The following HERC4 variants were observed in gnomAD, a reference collection of about 807,000 sequenced individuals.
HERC4 encodes probable E3 ubiquitin-protein ligase HERC4.
HERC4 carries 28 observed loss-of-function variants against 124.3 expected under a neutral mutation model. The ratio of observed to expected loss-of-function variants is 0.23; its 90% CI spans 0.17 to 0.31. The LOEUF (loss-of-function observed/expected upper bound fraction) is 0.31, where lower values mean the gene tolerates loss of function less well. HERC4 is among the 10% of genes least tolerant of loss of function. The probability of loss-of-function intolerance (pLI) is 1.00; values close to 1 mark genes in which losing one functional copy is unlikely to be tolerated. For missense variants in HERC4, 713 were observed against 1,229.3 expected (o/e 0.58, Z 6.28); for synonymous variants, 407 against 421.5 (o/e 0.97, Z 0.42).
intron 3 of HERC4, among the ~76,000 whole-genome samples, chr10:68,057,021 T>C (rs935817192): frequency 1.1e-4 from 16 of 152,320 alleles, no homozygotes; most frequent in Admixed American, 7.8e-4. Context: ...CAGATAAAGA[T>C]AGCTAACTGC....
intron 17 of HERC4, 52 bp from the exon 18 acceptor site, chr10:67,955,182 G>T: frequency 6.7e-7 from 1 of 1,502,038 alleles, no homozygotes; most frequent in Non-Finnish European, 9.0e-7. Flanking sequence ...TAAAGCTACT[G>T]TGACTGAAAC....
At chr10:68,017,326 T>A (rs1008293245) in intron 8 of HERC4, among the ~76,000 whole-genome samples, 3 of 152,138 alleles carry the variant, frequency 2.0e-5, no homozygotes, top group Middle Eastern at 3.2e-3. Context: ...ACTGCCCCAG[T>A]CAATCTCTAG....
chr10:67,922,973 C>A lies in HERC4; in HGVS notation c.3108G>T (p.Leu1036=). 1 of 1,613,452 alleles carries A rather than the reference C, an allele frequency of 6.2e-7. No individual in the cohort carries two copies. Among genetic ancestry groups the A allele is most frequent in the South Asian group, 1.1e-5 (1 of 91,008 alleles). Residue 1036 remains leucine (L), a synonymous_variant, in exon 25 of 25, where the codon CTG becomes CTT. Transcript: ENST00000373700. ...CTTCATTGTGATCAATAGCTTGGAT[C>A]AGTTTAGAGCGTAGAGTTTCTTTTT... ...YTEKETLRSK[L]IQAIDHNEGF... is the part of the protein sequence containing the mutation.
intron 9 of HERC4, among the ~76,000 whole-genome samples, chr10:67,997,448 A>T (rs1374966682): frequency 6.6e-6 from 1 of 152,330 alleles, no homozygotes; most frequent in African/African-American, 2.4e-5. Context: ...TTGTCACCGT[A>T]GTAAAATAGG....
chr10:67,964,552 T>C (rs2034731962), intron 16 of HERC4, among the ~76,000 whole-genome samples: 1 of 152,104 alleles, frequency 6.6e-6, no homozygotes, highest in African/African-American at 2.4e-5. Flanking sequence ...TATAGCTTTC[T>C]CATGGATTTC....
intron 3 of HERC4, among the ~76,000 whole-genome samples, chr10:68,059,702 AT>A (rs1564608784): frequency 1.6e-4 from 9 of 56,506 alleles, no homozygotes; most frequent in Non-Finnish European, 1.8e-4. Context: ...ATATTATAAT[AT>A]TATATATCAT....
chr10:68,008,500 G>C (rs999805487), intron 9 of HERC4, among the ~76,000 whole-genome samples: 10 of 152,188 alleles, frequency 6.6e-5, no homozygotes, highest in Non-Finnish European at 1.5e-4. Flanking sequence ...TTCAAGGATA[G>C]TTTGGCAGGC....
intron 3 of HERC4, among the ~76,000 whole-genome samples, chr10:68,059,588 CAT>C (rs1491137067): frequency 1.2e-5 from 1 of 82,038 alleles, no homozygotes; most frequent in Non-Finnish European, 2.0e-5. Flanking sequence ...TATTATATAT[CAT>C]ATTATATATC....
chr10:67,935,372 C>T (rs966983454), intron 22 of HERC4, among the ~76,000 whole-genome samples: 7 of 152,070 alleles, frequency 4.6e-5, no homozygotes, highest in African/African-American at 1.4e-4. Context: ...GTCTCGTTGT[C>T]GTGACCTCGT....
At chr10:68,065,224 T>G (rs1162007820) in intron 3 of HERC4, among the ~76,000 whole-genome samples, 2 of 152,162 alleles carry the variant, frequency 1.3e-5, no homozygotes, top group African/African-American at 4.8e-5. Context: ...GGCATTATAG[T>G]TTTTACTTTC....
chr10:68,010,573 T>C (rs1490234515), intron 9 of HERC4: 2 of 1,105,686 alleles, frequency 1.8e-6, no homozygotes, highest in South Asian at 1.3e-5. Flanking sequence ...TTCTCAATAC[T>C]GGTTCGCTTT....
intron 9 of HERC4, among the ~76,000 whole-genome samples, chr10:68,000,395 T>C (rs554080898): frequency 3.3e-5 from 5 of 152,046 alleles, no homozygotes; most frequent in East Asian, 1.9e-4. Flanking sequence ...CTGGGCAACA[T>C]GGTAAAACCC....
intron 9 of HERC4, chr10:67,993,594 A>C (rs2036679971): frequency 6.6e-6 from 1 of 152,100 alleles, no homozygotes; most frequent in Admixed American, 6.5e-5. Flanking sequence ...TAAATATTTC[A>C]TAATGCAGAA....
At chr10:67,980,330 T>C (rs896402757) in intron 15 of HERC4, among the ~76,000 whole-genome samples, 3 of 151,958 alleles carry the variant, frequency 2.0e-5, no homozygotes, top group Non-Finnish European at 4.4e-5. Context: ...AAGGGGTTTC[T>C]CCATGTTGGT....
intron 3 of HERC4, 103 bp downstream of exon 3, chr10:68,072,780 G>A: frequency 3.9e-6 from 3 of 771,106 alleles, no homozygotes. Flanking sequence ...TGCTTTTAAA[G>A]CTTGATAAAC....
chr10:68,030,123 A>G (rs957975510), intron 7 of HERC4, among the ~76,000 whole-genome samples: 1 of 152,042 alleles, frequency 6.6e-6, no homozygotes, highest in Non-Finnish European at 1.5e-5. Context: ...TCTGGCTATT[A>G]ATTTTAAATT....
intron 14 of HERC4, among the ~76,000 whole-genome samples, chr10:67,989,372 A>G (rs1268504650): frequency 1.3e-5 from 2 of 152,080 alleles, no homozygotes; most frequent in Admixed American, 1.3e-4. Flanking sequence ...CACTATTTGT[A>G]GTTACTAAGT....
At chr10:67,927,261 A>G (rs1432512371) in intron 23 of HERC4, among the ~76,000 whole-genome samples, 2 of 151,570 alleles carry the variant, frequency 1.3e-5, no homozygotes, top group Non-Finnish European at 2.9e-5. Flanking sequence ...GGTTTGGTAG[A>G]AATGTGCACA....
chr10:67,971,751 T>C (rs1431676624), intron 15 of HERC4, among the ~76,000 whole-genome samples: 1 of 143,174 alleles, frequency 7.0e-6, no homozygotes, highest in Non-Finnish European at 1.5e-5. Flanking sequence ...ATGACCACCA[T>C]AACCACTTAT....
Sources: allele counts gnomAD v4.1 joint callset (sites outside exome capture counted in the v4.1 genomes callset), GRCh38; gene constraint gnomAD v4.1.1; transcripts MANE v1.5; gene names NCBI Gene and HGNC (gene_info 2026-07-23, HGNC 2026-07-21).